CFAP47: variants seen among roughly 807,000 people sequenced by gnomAD.
The protein encoded by CFAP47 is cilia- and flagella-associated protein 47.
CFAP47 carries 29 observed loss-of-function variants against 148.1 expected under a neutral mutation model. The ratio of observed to expected loss-of-function variants is 0.20; its 90% confidence interval spans 0.15 to 0.27. The LOEUF (loss-of-function observed/expected upper bound fraction) is 0.27, where lower values mean the gene tolerates loss of function less well. Among genes scored for constraint, CFAP47 ranks in the 10% least tolerant of loss-of-function variants. The pLI, the probability that CFAP47 is intolerant of heterozygous loss-of-function variation, is 1.00. For missense variants in CFAP47, 1,872 were observed against 1,697.5 expected (o/e 1.10, Z -1.81); for synonymous variants, 664 against 577.3 (o/e 1.15, Z -2.15).
intron 39 of CFAP47, among the ~76,000 whole-genome samples, chrX:36,177,366 T>G (rs1213059075): frequency 8.9e-6 from 1 of 112,092 alleles, no homozygotes; most frequent in Non-Finnish European, 1.9e-5. Context: ...CAGAACAGAT[T>G]ATCACCAAAA....
chrX:35,986,855 A>C (rs1170062964), intron 15 of CFAP47, among the ~76,000 whole-genome samples: 1 of 111,135 alleles, frequency 9.0e-6, no homozygotes, highest in Non-Finnish European at 1.9e-5. Flanking sequence ...TTTCCTTCTA[A>C]CAGGCCCCTC....
intron 33 of CFAP47, among the ~76,000 whole-genome samples, chrX:36,131,089 G>A (rs762706902): frequency 4.5e-5 from 5 of 111,014 alleles, no homozygotes; most frequent in Non-Finnish European, 9.5e-5. Flanking sequence ...CAACTCAATG[G>A]ATAAATGCTT....
At position 35,966,687 on chromosome X, in the gene CFAP47, C is replaced by T. The variant is rs1283164213; in HGVS notation, c.1533C>T (p.His511=). Residue 511 remains histidine, a synonymous_variant, in exon 9 of 64, where the codon CAC becomes CAT. Transcript: ENST00000378653. ...CTTTGTCGGTAAAATCTTTCCATCA[C>T]GTATATTTAGCTTTCAACAGCATCT... ...LQSLSVKSFH[H]VYLAFNSICK... 3 of 1,176,211 alleles carry T rather than the reference C, an allele frequency of 2.6e-6. No homozygotes were observed. The highest frequency in any genetic ancestry group is 3.4e-6 in the Non-Finnish European group (3 of 876,149).
intron 49 of CFAP47, among the ~76,000 whole-genome samples, chrX:36,276,888 A>G (rs182287338): frequency 1.5e-4 from 17 of 111,678 alleles, no homozygotes; most frequent in Non-Finnish European, 3.0e-4. Context: ...CTAGTACATG[A>G]CTACCCACGG....
At chrX:36,357,648 T>C (rs1941795938) in intron 60 of CFAP47, among the ~76,000 whole-genome samples, 2 of 111,859 alleles carry the variant, frequency 1.8e-5, no homozygotes, top group Non-Finnish European at 3.8e-5. Flanking sequence ...GAAATATTAT[T>C]ATTCTTGGAT....
chrX:35,995,928 C>T (rs999976309), intron 18 of CFAP47, among the ~76,000 whole-genome samples: 1 of 111,378 alleles, frequency 9.0e-6, no homozygotes, highest in Admixed American at 9.6e-5. Context: ...AAAGTCTCTT[C>T]GATATGTGAC....
At chrX:36,334,923 A>G (rs1295755093) in intron 57 of CFAP47, among the ~76,000 whole-genome samples, 1 of 110,500 alleles carries the variant, frequency 9.0e-6, no homozygotes, top group East Asian at 2.8e-4. Flanking sequence ...ATGGCAATCT[A>G]TGATGAATTT....
intron 35 of CFAP47, among the ~76,000 whole-genome samples, chrX:36,142,617 G>A (rs1029311670): frequency 3.6e-5 from 4 of 111,653 alleles, no homozygotes; most frequent in Non-Finnish European, 5.6e-5. Context: ...TTGTTTAAAT[G>A]TATAAGGAAA....
intron 15 of CFAP47, among the ~76,000 whole-genome samples, chrX:35,978,649 T>A (rs1347834699): frequency 8.9e-6 from 1 of 111,732 alleles, no homozygotes; most frequent in Non-Finnish European, 1.9e-5. Context: ...TTGAAAAAAG[T>A]GTTTGTAATT....
At chrX:36,337,748 A>G (rs1487291053) in intron 57 of CFAP47, among the ~76,000 whole-genome samples, 3 of 110,645 alleles carry the variant, frequency 2.7e-5, no homozygotes, top group Admixed American at 9.7e-5. Context: ...ACATTACATC[A>G]GAAAAGGACT....
At chrX:36,129,207 T>C (rs762241492) in intron 33 of CFAP47, among the ~76,000 whole-genome samples, 1 of 111,069 alleles carries the variant, frequency 9.0e-6, no homozygotes, top group South Asian at 3.7e-4. Flanking sequence ...TAATGAGCTT[T>C]ATCTAAATTT....
At chrX:35,957,418 G>T (rs1383118060) in intron 8 of CFAP47, among the ~76,000 whole-genome samples, 1 of 110,883 alleles carries the variant, frequency 9.0e-6, no homozygotes, top group Non-Finnish European at 1.9e-5. Flanking sequence ...GTTATTGAAG[G>T]AAGCTTTCTT....
At chrX:36,056,712 A>G (rs1937557483) in intron 26 of CFAP47, among the ~76,000 whole-genome samples, 1 of 112,603 alleles carries the variant, frequency 8.9e-6, no homozygotes, top group Admixed American at 9.4e-5. Flanking sequence ...GTGAAATGCT[A>G]TCAGCTACCT....
At chrX:36,142,885 C>T (rs904195905) in intron 35 of CFAP47, among the ~76,000 whole-genome samples, 7 of 110,252 alleles carry the variant, frequency 6.3e-5, no homozygotes, top group African/African-American at 1.3e-4. Flanking sequence ...ACACACCTCC[C>T]GTCACCCTAG....
intron 30 of CFAP47, among the ~76,000 whole-genome samples, chrX:36,093,168 C>G (rs763251651): frequency 9.0e-6 from 1 of 111,360 alleles, no homozygotes; most frequent in South Asian, 3.7e-4. Context: ...GTTGATGGAC[C>G]TACGGTGGCT....
chrX:36,246,966 C>A (rs975122260), intron 48 of CFAP47, among the ~76,000 whole-genome samples: 4 of 111,330 alleles, frequency 3.6e-5, no homozygotes, highest in African/African-American at 1.3e-4. Flanking sequence ...CAAAAAGACA[C>A]ATGAACTCAT....
At chrX:36,269,674 A>G (rs1351062102) in intron 49 of CFAP47, among the ~76,000 whole-genome samples, 2 of 112,178 alleles carry the variant, frequency 1.8e-5, no homozygotes, top group Non-Finnish European at 3.8e-5. Flanking sequence ...ATTGAGATAC[A>G]ATAAATTGTG....
intron 4 of CFAP47, 55 bp from the exon 5 acceptor site, chrX:35,951,076 T>C: frequency 1.2e-6 from 1 of 852,445 alleles, no homozygotes; most frequent in Middle Eastern, 2.9e-4. Flanking sequence ...AAAAACAAAG[T>C]ATATAGAATT....
chrX:36,029,718 G>A (rs866962848), intron 22 of CFAP47, among the ~76,000 whole-genome samples: 12 of 109,119 alleles, frequency 1.1e-4, no homozygotes, highest in African/African-American at 2.7e-4. Flanking sequence ...TATACTTTAT[G>A]GATTATGTCA....
Sources: gnomAD v4.1 joint callset for allele counts (sites outside exome capture counted in the v4.1 genomes callset) on GRCh38, gnomAD v4.1.1 for gene constraint, MANE v1.5 for transcripts, NCBI Gene and HGNC (gene_info 2026-07-23, HGNC 2026-07-21) for gene names.